Variants in ARHGAP27 observed in about 807,000 individuals in gnomAD.
ARHGAP27 encodes rho GTPase-activating protein 27.
Under a neutral mutation model 102.0 loss-of-function variants are expected in ARHGAP27, and 53 were observed. That is an observed-to-expected ratio of 0.52 (90% CI 0.42 to 0.65). ARHGAP27 has a LOEUF of 0.65. Among genes scored for constraint, ARHGAP27 ranks in the 30% least tolerant of loss-of-function variants. ARHGAP27 has a pLI of 0.00. For synonymous variants in ARHGAP27, 525 were observed against 542.8 expected, an observed-to-expected ratio of 0.97 and a Z score of 0.46; for missense variants, 1,117 against 1,256.2, an observed-to-expected ratio of 0.89 and a Z score of 1.68.
intron 4 of ARHGAP27, 109 bp from the exon 5 acceptor site, chr17:45,406,192 T>C: frequency 7.7e-7 from 1 of 1,304,104 alleles, no homozygotes; most frequent in Non-Finnish European, 1.0e-6. Context: ...TTTCGCTTTA[T>C]TTTCTTTAAA....
chr17:45,431,015 A>AGCCCGGCCCGCACCGCCCC (rs1484631353), intron 3 of ARHGAP27, among the ~76,000 whole-genome samples: 1 of 100,454 alleles, frequency 1.0e-5, no homozygotes, highest in East Asian at 3.0e-4. Context: ...CGGCCCGCCC[A>AGCCCGGCCCGCACCGCCCC]GCCCGGCCCG....
At position 45,429,812 on chromosome 17, in the gene ARHGAP27, G is replaced by C. The variant is rs2049920262; in HGVS notation, c.468C>G (p.Ser156=). 6.7e-7 allele frequency: 1 copy of C among 1,491,770 alleles called. No individual in the cohort carries two copies. The allele number at this position is 1,491,770 out of a possible 1,614,324, so 92.4% of individuals were successfully genotyped here. A position where few individuals can be genotyped will look rare whatever the true frequency, so the allele number is the denominator to read the frequency against. ...CGGCGGCGCAGGCCAGGTCGTTCAGGGACTGCGCGGGCCGCACGGGCGCCG... is the reference window on the plus strand; with the variant it reads ...CGGCGGCGCAGGCCAGGTCGTTCAGCGACTGCGCGGGCCGCACGGGCGCCG... ...RPAAPVRPAQ[S]LNDLACAAVS... Residue 156 remains serine, a synonymous_variant, in exon 4 of 20, where the codon TCC becomes TCG. Coordinates refer to ENST00000685559, the MANE Select transcript of ARHGAP27 (RefSeq NM_001282290.2).
In ARHGAP27 at chr17:45,396,575, G is replaced by A. The variant is rs369152481; in HGVS notation, c.2085C>T (p.Phe695=). The A allele has an allele frequency of 5.6e-6, 9 of 1,606,446 alleles. 1 individual carries two copies. The highest frequency in any genetic ancestry group is 5.3e-5 in the African/African-American group (4 of 74,962). The change falls in exon 16 of 20, where the codon TTC becomes TTT. Residue 695 remains phenylalanine (F), a synonymous_variant. Coordinates refer to ENST00000685559, the MANE Select transcript of ARHGAP27 (RefSeq NM_001282290.2). ...CACACAGCGCGGCCAGCGCGCAGCCGAACACCTGGTCTAGGGCAGAGGCTC... is the reference window on the plus strand; with the variant it reads ...CACACAGCGCGGCCAGCGCGCAGCCAAACACCTGGTCTAGGGCAGAGGCTC... The part of the protein sequence containing the change: ...REKGYIKDQV[F]GCALAALCER...
At chr17:45,420,796 T>C (rs947282770) in intron 4 of ARHGAP27, among the ~76,000 whole-genome samples, 2 of 151,306 alleles carry the variant, frequency 1.3e-5, no homozygotes, top group African/African-American at 4.9e-5. Flanking sequence ...CTACTAAAAA[T>C]ACAAAAAATT....
chr17:45,411,731 G>A (rs1482672571), intron 4 of ARHGAP27, among the ~76,000 whole-genome samples: 1 of 151,984 alleles, frequency 6.6e-6, no homozygotes, highest in East Asian at 1.9e-4. Context: ...AAGGCTGGAG[G>A]CCTCATGCTT....
At chr17:45,424,029 T>C (rs2049299030) in intron 4 of ARHGAP27, among the ~76,000 whole-genome samples, 1 of 152,254 alleles carries the variant, frequency 6.6e-6, no homozygotes, top group South Asian at 2.1e-4. Flanking sequence ...AGGCAGGCCC[T>C]TCTGCTACCT....
At chr17:45,407,861 A>G (rs1417693012) in intron 4 of ARHGAP27, 1 of 152,156 alleles carries the variant, frequency 6.6e-6, no homozygotes, top group Non-Finnish European at 1.5e-5. Flanking sequence ...GGGAAAGCAG[A>G]TTTCCACATT....
chr17:45,395,810 T>C lies in ARHGAP27; in HGVS notation c.2426A>G (p.Asp809Gly), dbSNP rs1364983387. Residue 809 changes from aspartate to glycine, a missense_variant, in exon 19 of 20, where the codon GAC becomes GGC. Coordinates refer to ENST00000685559, the MANE Select transcript of ARHGAP27 (RefSeq NM_001282290.2). ...GGGAGCGGGCAGCGAGCGCACCAAGTCACGCACACAGCGGCTGCGCCGGGC... is the reference window on the plus strand; with the variant it reads ...GGGAGCGGGCAGCGAGCGCACCAAGCCACGCACACAGCGGCTGCGCCGGGC... ...DQARRSRCVR[D>G]LVRSLPAPNH... is the part of the protein sequence containing the mutation. 4.4e-6 allele frequency: 7 copies of C among 1,606,490 alleles called. No individual in the cohort carries two copies. Among genetic ancestry groups the C allele is most frequent in the Non-Finnish European group, 5.9e-6 (7 of 1,177,582 alleles).
intron 4 of ARHGAP27, among the ~76,000 whole-genome samples, chr17:45,416,229 T>TA (rs2048438471): frequency 6.6e-6 from 1 of 151,632 alleles, no homozygotes; most frequent in Non-Finnish European, 1.5e-5. Context: ...TGTATTTTTT[T>TA]TTTTTTAGTA....
Position 45,395,444 on chromosome 17 carries a change from A to G in ARHGAP27, c.*12T>C, listed in dbSNP as rs775626987. 3 of 1,551,402 alleles carry G rather than the reference A, an allele frequency of 1.9e-6. No individual in the cohort carries two copies. Among genetic ancestry groups the G allele is most frequent in the South Asian group, 2.4e-5 (2 of 84,002 alleles). On this transcript the variant is annotated 3_prime_UTR_variant, in exon 20 of 20. Transcript: ENST00000685559. The stretch of plus-strand genomic sequence containing the variant: ...CAGGACCGCGGCCGCCGCCCCAGTC[A>G]CAGGCCAGCAGTCAGTGCGGCGGGA...
intron 13 of ARHGAP27, 85 bp from the exon 14 acceptor site, chr17:45,397,109 C>A: frequency 6.4e-7 from 1 of 1,560,164 alleles, no homozygotes. Context: ...GAAATGCACT[C>A]CCAACAGGCA....
At chr17:45,402,842 C>T in intron 11 of ARHGAP27, 24 bp from the exon 12 acceptor site, 2 of 1,582,534 alleles carry the variant, frequency 1.3e-6, no homozygotes, top group Admixed American at 1.7e-5. Flanking sequence ...AGGAAGGTCA[C>T]AGGGAGCCCT....
chr17:45,420,482 T>C (rs2048919572), intron 4 of ARHGAP27, among the ~76,000 whole-genome samples: 1 of 152,086 alleles, frequency 6.6e-6, no homozygotes, highest in Non-Finnish European at 1.5e-5. Flanking sequence ...GGAAACAGTG[T>C]ACATGTGACA....
chr17:45,426,113 G>A (rs562360091), intron 4 of ARHGAP27, among the ~76,000 whole-genome samples: 18 of 152,182 alleles, frequency 1.2e-4, no homozygotes, highest in Admixed American at 3.3e-4. Context: ...AACCCTAAAG[G>A]CCACCAGGCT....
chr17:45,402,890 G>A, intron 11 of ARHGAP27, 72 bp from the exon 12 acceptor site: 4 of 1,311,774 alleles, frequency 3.0e-6, no homozygotes, highest in Non-Finnish European at 3.3e-6. Flanking sequence ...CTGACCCTAG[G>A]AATAGGATGG....
chr17:45,422,791 C>A (rs2049167075), intron 4 of ARHGAP27, among the ~76,000 whole-genome samples: 1 of 152,058 alleles, frequency 6.6e-6, no homozygotes, highest in Non-Finnish European at 1.5e-5. Flanking sequence ...ACCCCTGCCC[C>A]CAAGCAAAGG....
intron 4 of ARHGAP27, among the ~76,000 whole-genome samples, chr17:45,422,843 A>C (rs1289736003): frequency 6.6e-6 from 1 of 152,228 alleles, no homozygotes; most frequent in Non-Finnish European, 1.5e-5. Context: ...ATCAATAAAC[A>C]TGATTTGATG....
At chr17:45,432,082 T>C in intron 2 of ARHGAP27, 134 bp downstream of exon 2, 1 of 228,036 alleles carries the variant, frequency 4.4e-6, no homozygotes, top group South Asian at 4.0e-5. Flanking sequence ...GCTCTGGGAA[T>C]GCCGGGCTGG....
chr17:45,431,343 C>T (rs531012206), intron 3 of ARHGAP27, among the ~76,000 whole-genome samples: 1 of 152,348 alleles, frequency 6.6e-6, no homozygotes, highest in African/African-American at 2.4e-5. Flanking sequence ...CAAACTCCCA[C>T]ACTGACCACA....
Sources: gnomAD v4.1 joint callset for allele counts (sites outside exome capture counted in the v4.1 genomes callset) on GRCh38, gnomAD v4.1.1 for gene constraint, MANE v1.5 for transcripts, NCBI Gene and HGNC (gene_info 2026-07-23, HGNC 2026-07-21) for gene names.